The following MAGI2 variants were observed in gnomAD, a reference collection of about 807,000 sequenced individuals.
The protein encoded by MAGI2 is membrane-associated guanylate kinase, WW and PDZ domain-containing protein 2.
In MAGI2, 35 loss-of-function variants were observed where a neutral mutation model predicts 133.3. The observed-to-expected ratio is 0.26, with a 90% CI of 0.20 to 0.35. The LOEUF (loss-of-function observed/expected upper bound fraction) is 0.35. Among genes scored for constraint, MAGI2 ranks in the 10% least tolerant of loss-of-function variants. MAGI2 has a pLI of 1.00. For missense variants in MAGI2, 1,636 were observed against 1,863.4 expected, an observed-to-expected ratio of 0.88 and a Z score of 2.25; for synonymous variants, 729 against 710.6, an observed-to-expected ratio of 1.03 and a Z score of -0.41.
chr7:78,062,304 G>A (rs1005090289), intron 21 of MAGI2, among the ~76,000 whole-genome samples: 1 of 152,200 alleles, frequency 6.6e-6, no homozygotes, highest in Admixed American at 6.5e-5. Flanking sequence ...AGAACATGGG[G>A]AGGCATGTGG....
chr7:78,157,478 A>G (rs1179301866), intron 16 of MAGI2, among the ~76,000 whole-genome samples: 1 of 152,134 alleles, frequency 6.6e-6, no homozygotes, highest in East Asian at 1.9e-4. Context: ...CAATAGGAAA[A>G]GTGTTTGTAG....
chr7:79,405,610 T>A (rs553788554), intron 1 of MAGI2, among the ~76,000 whole-genome samples: 3 of 152,142 alleles, frequency 2.0e-5, no homozygotes, highest in Non-Finnish European at 4.4e-5. Flanking sequence ...ATGTTTCTTG[T>A]TATATTTGTA....
intron 1 of MAGI2, among the ~76,000 whole-genome samples, chr7:79,276,405 G>C (rs1835230362): frequency 6.6e-6 from 1 of 152,254 alleles, no homozygotes; most frequent in African/African-American, 2.4e-5. Context: ...TCAGCTGGCA[G>C]CCATCAATTT....
chr7:78,085,777 T>C (rs1816575581), intron 20 of MAGI2, among the ~76,000 whole-genome samples: 1 of 152,108 alleles, frequency 6.6e-6, no homozygotes, highest in Admixed American at 6.5e-5. Context: ...GAAAGGCTGC[T>C]GCAGGATTCT....
At position 78,569,433 on chromosome 7, in the gene MAGI2, C is replaced by T. The variant is rs113143965; in HGVS notation, c.539-47788G>A. 3.0e-4 allele frequency among the ~76,000 whole-genome samples: 45 copies of T among 152,244 alleles called. No individual in the cohort carries two copies. The South Asian group carries it at 3.9e-3, about 13-fold the overall frequency. On this transcript the variant is annotated intron_variant, in intron 3 of 21. Coordinates refer to ENST00000354212, the MANE Select transcript of MAGI2 (RefSeq NM_012301.4). ...AGGACACACAGACACGCTAAACACC[C>T]CACACTAATGGCAAGCCATCTCTAG...
chr7:79,300,193 G>A lies in MAGI2; in HGVS notation c.301+152827C>T, dbSNP rs2091518. ...GGAACTGCGTAATGGGCAGAGGTTA[G>A]AAGAGTTTGGAGGGCTCAGAGGAAG... On this transcript the variant is annotated intron_variant, in intron 1 of 21. Coordinates refer to ENST00000354212, the MANE Select transcript of MAGI2 (RefSeq NM_012301.4). Among the ~76,000 whole-genome samples, 498 of 152,316 alleles carry A rather than the reference G, an allele frequency of 3.3e-3. 2 individuals are homozygous for A. Among genetic ancestry groups the A allele is most frequent in the African/African-American group, 0.012 (480 of 41,566 alleles).
At chr7:78,330,189 G>A (rs1789020524) in intron 9 of MAGI2, among the ~76,000 whole-genome samples, 1 of 152,138 alleles carries the variant, frequency 6.6e-6, no homozygotes, top group African/African-American at 2.4e-5. Context: ...CATCTGGTGA[G>A]ATGTTTGGTT....
intron 1 of MAGI2, among the ~76,000 whole-genome samples, chr7:79,022,809 C>T (rs1191422672): frequency 6.6e-6 from 1 of 152,066 alleles, no homozygotes; most frequent in East Asian, 1.9e-4. Flanking sequence ...CAGGAAGAGA[C>T]TGAATACCTG....
chr7:78,977,977 C>G (rs936490823), intron 2 of MAGI2, among the ~76,000 whole-genome samples: 2 of 151,668 alleles, frequency 1.3e-5, no homozygotes, highest in Non-Finnish European at 2.9e-5. Flanking sequence ...AATGAGGTAC[C>G]ACTATGCAAC....
chr7:78,489,923 G>A, intron 5 of MAGI2, 83 bp from the exon 6 acceptor site: 2 of 1,050,458 alleles, frequency 1.9e-6, no homozygotes, highest in Non-Finnish European at 2.8e-6. Flanking sequence ...AGCAGGGTTA[G>A]TCCAACAAAA....
intron 2 of MAGI2, among the ~76,000 whole-genome samples, chr7:78,664,580 C>T (rs987245140): frequency 6.6e-6 from 1 of 151,738 alleles, no homozygotes; most frequent in Non-Finnish European, 1.5e-5. Flanking sequence ...TGGTATAAAT[C>T]TTGGAATCAT....
Position 78,979,778 on chromosome 7 carries a change from G to T in MAGI2, c.418+27312C>A, listed in dbSNP as rs375211011. On this transcript the variant is annotated intron_variant, in intron 2 of 21. Transcript: ENST00000354212. ...CCTCCTTTACCAAAGGGTTGAATAG[G>T]TGGTAATTCACATAGAACACACTAA... 3.0e-4 allele frequency among the ~76,000 whole-genome samples: 46 copies of T among 151,874 alleles called. No individual in the cohort carries two copies. In the South Asian group the frequency reaches 6.0e-3, roughly 20 times the overall value.
At chr7:78,447,172 A>C (rs1011821670) in intron 6 of MAGI2, among the ~76,000 whole-genome samples, 1 of 152,138 alleles carries the variant, frequency 6.6e-6, no homozygotes, top group Middle Eastern at 3.4e-3. Flanking sequence ...ATTTGTTTTT[A>C]TTTATTTACT....
chr7:79,418,034 T>G (rs763535296), intron 1 of MAGI2, among the ~76,000 whole-genome samples: 1 of 152,056 alleles, frequency 6.6e-6, no homozygotes, highest in Non-Finnish European at 1.5e-5. Context: ...ATTATAAAAT[T>G]CACCCAAATT....
At chr7:78,146,191 T>C (rs1226109997) in intron 16 of MAGI2, among the ~76,000 whole-genome samples, 2 of 152,224 alleles carry the variant, frequency 1.3e-5, no homozygotes. Flanking sequence ...TCCCTGAGTT[T>C]CTAAAGAAAT....
intron 2 of MAGI2, among the ~76,000 whole-genome samples, chr7:78,698,760 CGA>C: frequency 6.6e-6 from 1 of 152,114 alleles, no homozygotes; most frequent in East Asian, 1.9e-4. Flanking sequence ...CGTGGCAGTG[CGA>C]GAGAGAAGTG....
intron 1 of MAGI2, among the ~76,000 whole-genome samples, chr7:79,399,981 A>G (rs538989944): frequency 6.6e-6 from 1 of 152,334 alleles, no homozygotes; most frequent in African/African-American, 2.4e-5. Flanking sequence ...TGATCAAATG[A>G]AAAATACAGG....
At chr7:78,906,699 G>A (rs1798014481) in intron 2 of MAGI2, among the ~76,000 whole-genome samples, 1 of 148,768 alleles carries the variant, frequency 6.7e-6, no homozygotes, top group African/African-American at 2.6e-5. Context: ...AGCCAAGCAG[G>A]TAGTGCTATT....
At chr7:78,758,398 A>T (rs1024870484) in intron 2 of MAGI2, among the ~76,000 whole-genome samples, 3 of 152,184 alleles carry the variant, frequency 2.0e-5, no homozygotes. Flanking sequence ...TAAAAATCAA[A>T]CAAACTTCAA....
Sources: allele counts gnomAD v4.1 joint callset (sites outside exome capture counted in the v4.1 genomes callset), GRCh38; gene constraint gnomAD v4.1.1; transcripts MANE v1.5; gene names NCBI Gene and HGNC (gene_info 2026-07-23, HGNC 2026-07-21).